Variants in SBF1 observed in about 807,000 individuals in gnomAD.
SBF1 encodes myotubularin-related protein 5.
A neutral mutation model predicts 215.8 loss-of-function variants in SBF1; 65 were observed. The ratio of observed to expected loss-of-function variants is 0.30; its 90% CI spans 0.25 to 0.37. The LOEUF (loss-of-function observed/expected upper bound fraction) is 0.37. Among genes scored for constraint, SBF1 ranks in the 10% least tolerant of loss-of-function variants. The pLI, the probability that SBF1 is intolerant of heterozygous loss-of-function variation, is 1.00. For synonymous variants in SBF1, 1,410 were observed against 1,122.8 expected (o/e 1.26, Z -5.11); for missense variants, 2,634 against 2,667.8 (o/e 0.99, Z 0.28).
rs368728157 is a variant in SBF1 at position 50,468,478 on chromosome 22, G to A, written c.56-17C>T. On this transcript the variant is annotated splice_polypyrimidine_tract_variant and intron_variant, in intron 1 of 40. Transcript: ENST00000380817. ...CCCCACTCCCTGAGGACAAGAACAG[G>A]GGGTCAGAGCACCCAACCCGCCCCC... is the stretch of plus-strand genomic sequence containing the variant. 4.4e-5 allele frequency: 69 copies of A among 1,570,094 alleles called. No homozygotes were observed. In the East Asian group the frequency reaches 1.3e-3, roughly 30 times the overall value.
chr22:50,468,432 GCA>G lies in SBF1; in HGVS notation c.83_84del (p.Leu28ProfsTer82). The G allele has an allele frequency of 6.2e-7, 1 of 1,611,356 alleles. No homozygotes were observed. Among genetic ancestry groups the G allele is most frequent in the Non-Finnish European group, 8.5e-7 (1 of 1,178,638 alleles). On this transcript the variant is annotated frameshift_variant, in exon 2 of 41. Transcript: ENST00000380817. LOFTEE classifies it high-confidence loss of function. ...TCCCAGTCCTTCTCTGGGAAGCGCT[GCA>G]GAATCTGGCCCTGGCCTTCCCCACT... ...RGSGEGQGQI[L>X]QRFPEKDWED...
chr22:50,465,149 C>T lies in SBF1; in HGVS notation c.1204-20G>A, dbSNP rs762288024. 32 of 1,613,914 alleles carry T rather than the reference C, an allele frequency of 2.0e-5. No individual in the cohort carries two copies. In the African/African-American group the frequency reaches 2.7e-4, roughly 13 times the overall value. Reference sequence around the variant, plus strand: ...GGCTGCCTGGATGACAGAAGGAGGTCGGTCCCTCAGGGGTCTCCACCATGC... The same window carrying T: ...GGCTGCCTGGATGACAGAAGGAGGTTGGTCCCTCAGGGGTCTCCACCATGC... On this transcript the variant is annotated intron_variant, in intron 11 of 40. Coordinates refer to ENST00000380817, the MANE Select transcript of SBF1 (RefSeq NM_002972.4).
At chr22:50,459,041 G>C (rs2067383578) in intron 28 of SBF1, among the ~76,000 whole-genome samples, 1 of 152,166 alleles carries the variant, frequency 6.6e-6, no homozygotes, top group Admixed American at 6.5e-5. Flanking sequence ...CGGGCAGGAG[G>C]TCAGGGCACA....
chr22:50,454,907 C>A lies in SBF1; in HGVS notation c.4719G>T (p.Gln1573His). ...LYEEKGERRG[Q>H]VPCRSVWEYV... ...ACTCCCACACAGACCTGCACGGCAC[C>A]TGGCCCCTGCGTTCCCCCTTCTCCT... The change falls in exon 35 of 41, where the codon CAG becomes CAT. Residue 1573 changes from glutamine (Q) to histidine (H), a missense_variant. Transcript: ENST00000380817. 1 of 1,614,078 alleles carries A rather than the reference C, an allele frequency of 6.2e-7. No individual in the cohort carries two copies.
Position 50,463,330 on chromosome 22 carries a change from G to A in SBF1, c.1852C>T (p.His618Tyr). The change falls in exon 16 of 41, where the codon CAC (histidine) becomes TAC (tyrosine). Residue 618 changes from histidine (H) to tyrosine (Y), a missense_variant. Coordinates refer to ENST00000380817, the MANE Select transcript of SBF1 (RefSeq NM_002972.4). ...HVQQNRAVLD[H>Y]QQFDFVVRMM... ...CGGACGACAAAGTCAAACTGCTGGT[G>A]GTCCAGGACCGCACGGTTCTGCTGC... is the stretch of plus-strand genomic sequence containing the variant. 1 of 1,613,058 alleles carries A rather than the reference G, an allele frequency of 6.2e-7. No individual in the cohort carries two copies. Among genetic ancestry groups the A allele is most frequent in the Non-Finnish European group, 8.5e-7 (1 of 1,179,634 alleles).
At chr22:50,451,951 C>T (rs961035530) in intron 36 of SBF1, among the ~76,000 whole-genome samples, 1 of 151,962 alleles carries the variant, frequency 6.6e-6, no homozygotes, top group Non-Finnish European at 1.5e-5. Context: ...CACCCGCCAC[C>T]ATGCTCAGCT....
At position 50,465,424 on chromosome 22, in the gene SBF1, GC is replaced by G. The variant is rs896461110; in HGVS notation, c.1090-97del. 74 of 1,030,868 alleles carry G rather than the reference GC, an allele frequency of 7.2e-5. No individual in the cohort carries two copies. The African/African-American group carries it at 1.1e-3, about 15-fold the overall frequency. 63.9% of individuals were successfully genotyped at this position (1,030,868 alleles called of 1,614,324 possible). ...TCCACACCCCAACCCACCCCAAGCT[GC>G]CCCGCTCCCATCCTTCTGCCCCTCC... On this transcript the variant is annotated intron_variant, in intron 10 of 40. Transcript: ENST00000380817.
At chr22:50,458,240 G>C (rs1378352438) in intron 28 of SBF1, among the ~76,000 whole-genome samples, 3 of 150,200 alleles carry the variant, frequency 2.0e-5, no homozygotes, top group Non-Finnish European at 4.4e-5. Context: ...GGGAGGTGGA[G>C]CTTGCAGTGA....
chr22:50,457,065 C>G lies in SBF1; in HGVS notation c.3873G>C (p.Ala1291=). 1.4e-6 allele frequency: 2 copies of G among 1,472,942 alleles called. No individual in the cohort carries two copies. The allele number at this position is 1,472,942 out of a possible 1,614,324, so 91.2% of individuals were successfully genotyped here. A position where few individuals can be genotyped will look rare whatever the true frequency, so the allele number is the denominator to read the frequency against. ...GTGCGGTCCGTCTGGAGGCCGAGGC[C>G]GCCATGGGGTTGGACAGCGTGGTGA... The part of the protein sequence containing the change: ...ARVTTLSNPM[A]ASASRRTAPR... Residue 1291 remains alanine, a synonymous_variant, in exon 29 of 41, where the codon GCG becomes GCC. Coordinates refer to ENST00000380817, the MANE Select transcript of SBF1 (RefSeq NM_002972.4).
chr22:50,463,791 G>T (rs549245264), intron 15 of SBF1, among the ~76,000 whole-genome samples: 5 of 152,216 alleles, frequency 3.3e-5, no homozygotes, highest in Non-Finnish European at 7.3e-5. Flanking sequence ...TGGAGTTTGC[G>T]TTCTATTGCT....
chr22:50,465,532 T>C (rs1448923575), intron 10 of SBF1, among the ~76,000 whole-genome samples: 1 of 152,198 alleles, frequency 6.6e-6, no homozygotes, highest in African/African-American at 2.4e-5. Flanking sequence ...CAAGGGCTCC[T>C]GTGATCAGAC....
chr22:50,465,862 G>A, intron 9 of SBF1, 22 bp from the exon 10 acceptor site: 1 of 1,613,116 alleles, frequency 6.2e-7, no homozygotes, highest in Non-Finnish European at 8.5e-7. Flanking sequence ...GAATGGAGCA[G>A]GCAGCTGCAC....
In SBF1 at chr22:50,463,056, G is replaced by A. The variant is rs369773934; in HGVS notation, c.1900-118C>T. On this transcript the variant is annotated intron_variant, in intron 16 of 40. Coordinates refer to ENST00000380817, the MANE Select transcript of SBF1 (RefSeq NM_002972.4). ...CCAGCACCTGACACCCTTGGCTCCA[G>A]CTCCCCAAGGCTGCCTCAGAGGCTC... is the stretch of plus-strand genomic sequence containing the variant. 5.1e-6 allele frequency: 6 copies of A among 1,184,232 alleles called. No individual in the cohort carries two copies. The African/African-American group carries it at 6.1e-5, about 12-fold the overall frequency. The allele number at this position is 1,184,232 out of a possible 1,614,324, so 73.4% of individuals were successfully genotyped here. A position where few individuals can be genotyped will look rare whatever the true frequency, so the allele number is the denominator to read the frequency against.
In SBF1 at chr22:50,461,239, T is replaced by C; in HGVS notation, c.2887A>G (p.Lys963Glu). 6.2e-7 allele frequency: 1 copy of C among 1,612,800 alleles called. No individual in the cohort carries two copies. Among genetic ancestry groups the C allele is most frequent in the Non-Finnish European group, 8.5e-7 (1 of 1,179,398 alleles). ...VRSFPVAALT[K>E]EKRISVQTPV... is the part of the protein sequence containing the mutation. ...GTCTGGACGCTGATGCGCTTCTCCT[T>C]GGTCAGCGCAGCCACCGGGAAGGAG... is the stretch of plus-strand genomic sequence containing the variant. The change falls in exon 23 of 41, where the codon AAG becomes GAG. Residue 963 changes from lysine to glutamate, a missense_variant. Coordinates refer to ENST00000380817, the MANE Select transcript of SBF1 (RefSeq NM_002972.4).
chr22:50,469,786 G>T (rs915640209), intron 1 of SBF1, among the ~76,000 whole-genome samples: 5 of 150,972 alleles, frequency 3.3e-5, no homozygotes, highest in African/African-American at 1.2e-4. Context: ...CATCCAGCAT[G>T]CCTGGTCCTC....
chr22:50,471,155 T>C (rs1487985496), intron 1 of SBF1, among the ~76,000 whole-genome samples: 2 of 152,144 alleles, frequency 1.3e-5, no homozygotes, highest in African/African-American at 4.8e-5. Flanking sequence ...ATCCAAACGG[T>C]GTGCTGGGTG....
chr22:50,465,575 G>A (rs144436091), intron 10 of SBF1, among the ~76,000 whole-genome samples, 188 bp downstream of exon 10: 3 of 152,302 alleles, frequency 2.0e-5, no homozygotes, highest in South Asian at 2.1e-4. Flanking sequence ...GGCCCCTGCC[G>A]CCTCGCCTGC....
rs116279823 is a variant in SBF1 at position 50,472,578 on chromosome 22, C to G, written c.55+2208G>C. ...TGCTACTGCTTCACACCTGTGCATT[C>G]GCTGCATCCTCACGGCAGCCTGGGA... is the stretch of plus-strand genomic sequence containing the variant. On this transcript the variant is annotated intron_variant, in intron 1 of 40. Coordinates refer to ENST00000380817, the MANE Select transcript of SBF1 (RefSeq NM_002972.4). 6.4e-3 allele frequency among the ~76,000 whole-genome samples: 979 copies of G among 152,312 alleles called. 12 individuals carry two copies. The highest frequency in any genetic ancestry group is 0.023 in the African/African-American group (949 of 41,542).
chr22:50,464,910 G>C lies in SBF1; in HGVS notation c.1340C>G (p.Ala447Gly). Residue 447 changes from alanine to glycine, a missense_variant, in exon 13 of 41, where the codon GCC (alanine) becomes GGC (glycine). Coordinates refer to ENST00000380817, the MANE Select transcript of SBF1 (RefSeq NM_002972.4). ...RPTDLFDELV[A>G]HEVARMRADE... ...CGCCCGCATCCTTGCCACCTCGTGG[G>C]CCACCAGCTAGCGGGGTAAGCAGGA... 1 of 1,613,806 alleles carries C rather than the reference G, an allele frequency of 6.2e-7. No homozygotes were observed. Among genetic ancestry groups the C allele is most frequent in the Non-Finnish European group, 8.5e-7 (1 of 1,180,018 alleles).
Sources: allele counts gnomAD v4.1 joint callset (sites outside exome capture counted in the v4.1 genomes callset), GRCh38; gene constraint gnomAD v4.1.1; transcripts MANE v1.5; gene names NCBI Gene and HGNC (gene_info 2026-07-23, HGNC 2026-07-21).